Variants in PCNX2 observed in about 807,000 individuals in gnomAD.
PCNX2 encodes pecanex-like protein 2.
In PCNX2, 168 loss-of-function variants were observed where a neutral mutation model predicts 223.8. The ratio of observed to expected loss-of-function variants is 0.75; its 90% CI spans 0.66 to 0.85. The LOEUF (loss-of-function observed/expected upper bound fraction) is 0.85, where lower values mean the gene tolerates loss of function less well. PCNX2 is among the 40% of genes least tolerant of loss of function. The pLI, the probability that PCNX2 is intolerant of heterozygous loss-of-function variation, is 0.00. For missense variants in PCNX2, 2,507 were observed against 2,675.5 expected (o/e 0.94, Z 1.39); for synonymous variants, 1,006 against 1,052.6 (o/e 0.96, Z 0.86).
chr1:233,180,353 A>G (rs1172566410), intron 15 of PCNX2, among the ~76,000 whole-genome samples: 1 of 152,198 alleles, frequency 6.6e-6, no homozygotes, highest in African/African-American at 2.4e-5. Flanking sequence ...CTGGGACTCC[A>G]GCTCCTCTCC....
intron 23 of PCNX2, chr1:233,087,016 T>A (rs1397036723): frequency 1.9e-5 from 19 of 985,146 alleles, no homozygotes; most frequent in Non-Finnish European, 2.3e-5. Flanking sequence ...AGGGGACACA[T>A]TTGTCATATG....
At chr1:233,136,950 T>G in intron 20 of PCNX2, among the ~76,000 whole-genome samples, 1 of 152,192 alleles carries the variant, frequency 6.6e-6, no homozygotes, top group East Asian at 1.9e-4. Flanking sequence ...ATGAACTGCA[T>G]CCATTTTATG....
chr1:233,036,288 T>C (rs1671451191), intron 25 of PCNX2, among the ~76,000 whole-genome samples: 1 of 152,162 alleles, frequency 6.6e-6, no homozygotes, highest in Admixed American at 6.5e-5. Context: ...ATCTCTGTAT[T>C]TGTTAGACCT....
At chr1:233,282,036 C>G (rs74147362) in intron 1 of PCNX2, among the ~76,000 whole-genome samples, 7,902 of 151,960 alleles carry the variant, frequency 0.052, 674 homozygotes, top group African/African-American at 0.18. Context: ...TCTTCACCTC[C>G]CATTGCCTCT....
the PCNX2 span, among the ~76,000 whole-genome samples, chr1:233,313,485 T>C: frequency 7.4e-4 from 112 of 152,158 alleles, 3 homozygotes; most frequent in East Asian, 0.02. Context: ...AGACTATTTG[T>C]ACTACAACTT....
Position 233,208,498 on chromosome 1 carries a change from C to T in PCNX2, c.2863+20G>A, listed in dbSNP as rs747977922. On this transcript the variant is annotated intron_variant, in intron 13 of 33. Transcript: ENST00000258229. ...CCCCCAACCCCCATATTCTTCCCCACAACCCCATAATTAACTCACCTATTA... is the reference window on the plus strand; with the variant it reads ...CCCCCAACCCCCATATTCTTCCCCATAACCCCATAATTAACTCACCTATTA... 2 of 1,603,362 alleles carry T rather than the reference C, an allele frequency of 1.2e-6. No individual in the cohort carries two copies. Among genetic ancestry groups the T allele is most frequent in the African/African-American group, 1.3e-5 (1 of 74,646 alleles).
chr1:233,169,367 C>A (rs1348099022), intron 17 of PCNX2, among the ~76,000 whole-genome samples: 1 of 151,326 alleles, frequency 6.6e-6, no homozygotes, highest in Non-Finnish European at 1.5e-5. Flanking sequence ...TGACACAGGG[C>A]CGGGCGCGGT....
intron 1 of PCNX2, among the ~76,000 whole-genome samples, chr1:233,286,933 C>T (rs1661481990): frequency 6.6e-6 from 1 of 152,292 alleles, no homozygotes; most frequent in Middle Eastern, 3.4e-3. Context: ...TTTGATTATG[C>T]CAAGGAACTG....
chr1:233,290,884 T>C, intron 1 of PCNX2: 1 of 985,384 alleles, frequency 1.0e-6, no homozygotes, highest in Non-Finnish European at 1.2e-6. Flanking sequence ...GGGCTGCCCA[T>C]ACAAACATAT....
chr1:233,277,533 G>GATCAGATT (rs141691144), intron 1 of PCNX2, among the ~76,000 whole-genome samples: 14,017 of 152,108 alleles, frequency 0.092, 816 homozygotes, highest in South Asian at 0.17. Context: ...TAAATGGGGA[G>GATCAGATT]ATCAGATTAA....
intron 25 of PCNX2, among the ~76,000 whole-genome samples, chr1:233,042,154 T>C (rs993743213): frequency 2.8e-4 from 42 of 152,204 alleles, no homozygotes; most frequent in African/African-American, 9.9e-4. Context: ...ATTCAACTTG[T>C]ATATTTCCCT....
intron 21 of PCNX2, among the ~76,000 whole-genome samples, chr1:233,119,403 CAAAAAAAAAAAAA>C (rs71173251): frequency 4.7e-4 from 18 of 38,636 alleles, no homozygotes; most frequent in East Asian, 1.4e-3. Flanking sequence ...ACTAAAAATA[CAAAAAAAAAAAAA>C]AAAAAAAAAA....
chr1:233,147,915 G>C (rs1331603640), intron 19 of PCNX2, among the ~76,000 whole-genome samples: 1 of 152,132 alleles, frequency 6.6e-6, no homozygotes, highest in Non-Finnish European at 1.5e-5. Flanking sequence ...AAATCTTTTG[G>C]GGAACTGGAA....
At chr1:233,264,322 A>C (rs190805751) in intron 1 of PCNX2, among the ~76,000 whole-genome samples, 11 of 152,306 alleles carry the variant, frequency 7.2e-5, no homozygotes, top group Non-Finnish European at 1.0e-4. Context: ...CCATTTTATC[A>C]ATGGACTTCC....
intron 21 of PCNX2, among the ~76,000 whole-genome samples, chr1:233,119,511 G>A (rs1675633963): frequency 6.7e-6 from 1 of 148,426 alleles, no homozygotes; most frequent in African/African-American, 2.5e-5. Context: ...TGTGAACCCA[G>A]GAGGCAGAGC....
At chr1:233,263,893 G>C (rs1202316915) in intron 1 of PCNX2, among the ~76,000 whole-genome samples, 1 of 152,072 alleles carries the variant, frequency 6.6e-6, no homozygotes, top group Non-Finnish European at 1.5e-5. Flanking sequence ...AAAAAGAAGG[G>C]AGAAAGGTTA....
chr1:233,123,408 C>T (rs1675918188), intron 21 of PCNX2, among the ~76,000 whole-genome samples: 1 of 152,020 alleles, frequency 6.6e-6, no homozygotes, highest in Admixed American at 6.6e-5. Flanking sequence ...GGTGAAACCC[C>T]ATCTCTACTA....
At chr1:233,041,217 G>A (rs562425245) in intron 25 of PCNX2, among the ~76,000 whole-genome samples, 2 of 152,272 alleles carry the variant, frequency 1.3e-5, no homozygotes, top group South Asian at 2.1e-4. Context: ...AAACCACACA[G>A]TAATTAATCT....
chr1:233,256,281 A>T (rs1024857026), intron 5 of PCNX2, among the ~76,000 whole-genome samples: 13 of 152,218 alleles, frequency 8.5e-5, no homozygotes, highest in African/African-American at 3.1e-4. Context: ...ATCAAATAGC[A>T]AAATTTTTCA....
Sources: allele counts gnomAD v4.1 joint callset (sites outside exome capture counted in the v4.1 genomes callset), GRCh38; gene constraint gnomAD v4.1.1; transcripts MANE v1.5; gene names NCBI Gene and HGNC (gene_info 2026-07-23, HGNC 2026-07-21).